The following SERPINB6 variants were observed in gnomAD, a reference collection of about 807,000 sequenced individuals.
The protein encoded by SERPINB6 is serpin B6.
Under a neutral mutation model 26.1 loss-of-function variants are expected in SERPINB6, and 16 were observed. The observed-to-expected ratio is 0.61, with a 90% confidence interval of 0.42 to 0.93. The LOEUF (loss-of-function observed/expected upper bound fraction) is 0.93. Among genes scored for constraint, SERPINB6 ranks in the 40% least tolerant of loss-of-function variants. The pLI is 0.00. For synonymous variants in SERPINB6, 174 were observed against 176.6 expected (o/e 0.99, Z 0.11); for missense variants, 420 against 478.0 (o/e 0.88, Z 1.13).
At chr6:2,961,622 C>A (rs1342794778) in intron 1 of SERPINB6, among the ~76,000 whole-genome samples, 1 of 152,192 alleles carries the variant, frequency 6.6e-6, no homozygotes, top group African/African-American at 2.4e-5. Context: ...CCTGTGAAGT[C>A]CGTGTCTCAG....
At chr6:2,966,360 A>G in intron 1 of SERPINB6, 1 of 986,776 alleles carries the variant, frequency 1.0e-6, no homozygotes, top group South Asian at 4.7e-5. Flanking sequence ...GCTGGTGGGA[A>G]TCTCTTTAAA....
chr6:2,954,589 C>T lies in SERPINB6; in HGVS notation c.430+3G>A, dbSNP rs201080069. 498 of 1,604,420 alleles carry T rather than the reference C, an allele frequency of 3.1e-4. 3 individuals carry two copies. In the Middle Eastern group the frequency reaches 6.6e-3, roughly 21 times the overall value. ...CAAAAGTAGAATAACAATACATTTT[C>T]ACCTTCTGTCTTTTCAGCTACCCAG... On this transcript the variant is annotated splice_donor_region_variant and intron_variant, in intron 4 of 6. Transcript: ENST00000380539.
At chr6:2,963,810 G>C (rs192398314) in intron 1 of SERPINB6, 1 of 152,220 alleles carries the variant, frequency 6.6e-6, no homozygotes, top group African/African-American at 2.4e-5. Flanking sequence ...TCAGAACGAC[G>C]ATCCTGACCT....
intron 1 of SERPINB6, among the ~76,000 whole-genome samples, chr6:2,965,303 CGTCT>C (rs1413080840): frequency 1.3e-5 from 2 of 152,184 alleles, no homozygotes; most frequent in African/African-American, 4.8e-5. Flanking sequence ...CCTCTCCCTC[CGTCT>C]GTCACCATGC....
intron 1 of SERPINB6, chr6:2,962,296 C>T (rs1269435115): frequency 1.2e-6 from 1 of 827,166 alleles, no homozygotes; most frequent in Non-Finnish European, 1.5e-6. Context: ...ACTGGAGAAA[C>T]CAAAGCAGGA....
chr6:2,959,560 T>C, intron 1 of SERPINB6: 1 of 575,826 alleles, frequency 1.7e-6, no homozygotes, highest in Non-Finnish European at 3.1e-6. Flanking sequence ...AACGCCGCCC[T>C]GTTTTGTGAG....
chr6:2,963,340 C>G (rs866655703), intron 1 of SERPINB6: 1 of 152,194 alleles, frequency 6.6e-6, no homozygotes, highest in South Asian at 2.1e-4. Context: ...GAGATAGCTG[C>G]TGAGAACACC....
At chr6:2,961,994 G>A (rs1440198940) in intron 1 of SERPINB6, 1 of 984,924 alleles carries the variant, frequency 1.0e-6, no homozygotes, top group Non-Finnish European at 1.2e-6. Flanking sequence ...CCAAGGTGCT[G>A]AGATTACAGC....
In SERPINB6 at chr6:2,971,549, A is replaced by T. The variant is rs987008908; in HGVS notation, c.-27T>A. 2 of 152,202 alleles carry T rather than the reference A, an allele frequency of 1.3e-5. No individual in the cohort carries two copies. The highest frequency in any genetic ancestry group is 4.8e-5 in the African/African-American group (2 of 41,438). 9.4% of individuals were successfully genotyped at this position (152,202 alleles called of 1,614,324 possible). On this transcript the variant is annotated 5_prime_UTR_variant, in exon 1 of 7. Transcript: ENST00000380539. ...GACACGTACTCCAGAGCGGGGAGCG[A>T]GCGAGCAGAACGGCGGGCAGAGGCG...
chr6:2,962,511 A>G (rs909485045), intron 1 of SERPINB6, among the ~76,000 whole-genome samples: 4 of 152,234 alleles, frequency 2.6e-5, no homozygotes, highest in Non-Finnish European at 2.9e-5. Context: ...GGAAAAGCAT[A>G]TACCAGATAA....
chr6:2,969,403 A>C (rs986572010), intron 1 of SERPINB6: 9 of 847,950 alleles, frequency 1.1e-5, no homozygotes, highest in Non-Finnish European at 1.1e-5. Flanking sequence ...ATGCAAAATT[A>C]ATTGTTTCAA....
intron 1 of SERPINB6, chr6:2,962,101 G>T: frequency 1.0e-6 from 1 of 985,364 alleles, no homozygotes; most frequent in Non-Finnish European, 1.2e-6. Flanking sequence ...GTAATATCCC[G>T]GAGAATCTGT....
At chr6:2,954,839 G>A (rs1279755296) in intron 3 of SERPINB6, 130 bp from the exon 4 acceptor site, 4 of 720,270 alleles carry the variant, frequency 5.6e-6, no homozygotes, top group Non-Finnish European at 9.9e-6. Context: ...AAATAAATAT[G>A]AGGACTTAAC....
At chr6:2,970,017 T>C (rs1771985599) in intron 1 of SERPINB6, 14 of 937,114 alleles carry the variant, frequency 1.5e-5, no homozygotes, top group Non-Finnish European at 1.8e-5. Context: ...GAGGTGGAGG[T>C]TGCAGTCAGC....
chr6:2,952,129 T>C (rs1161031053), intron 5 of SERPINB6, among the ~76,000 whole-genome samples: 3 of 152,258 alleles, frequency 2.0e-5, no homozygotes, highest in Admixed American at 6.5e-5. Flanking sequence ...AAAGCCCTTG[T>C]ACATCTTGTT....
At chr6:2,956,826 A>AG (rs1770552133) in intron 2 of SERPINB6, 1 of 152,698 alleles carries the variant, frequency 6.5e-6, no homozygotes, top group Non-Finnish European at 1.5e-5. Flanking sequence ...TGTCTCAAAA[A>AG]AAAAAAAAAA....
In SERPINB6 at chr6:2,948,655, C is replaced by A. The variant is rs1404747676; in HGVS notation, c.774G>T (p.Arg258Ser). ...LTYEKFVEWT[R>S]LDMMDEEEVE... ...CCTCCTCTTCATCCATCATGTCCAGCCTCGTCCATTCTACGAACTTCTCGT... is the reference window on the plus strand; with the variant it reads ...CCTCCTCTTCATCCATCATGTCCAGACTCGTCCATTCTACGAACTTCTCGT... The change falls in exon 7 of 7, where the codon AGG (arginine) becomes AGT (serine). Residue 258 changes from arginine (R) to serine (S), a missense_variant. Coordinates refer to ENST00000380539, the MANE Select transcript of SERPINB6 (RefSeq NM_004568.6). This position sits in a 1 kb window ranked among gnomAD's most constrained non-coding sequence, Gnocchi z 5.0. The A allele has an allele frequency of 6.2e-7, 1 of 1,614,186 alleles. No individual in the cohort carries two copies. Among genetic ancestry groups the A allele is most frequent in the Admixed American group, 1.7e-5 (1 of 60,030 alleles).
At chr6:2,951,403 A>T (rs1405820778) in intron 5 of SERPINB6, among the ~76,000 whole-genome samples, 1 of 143,252 alleles carries the variant, frequency 7.0e-6, no homozygotes, top group African/African-American at 2.7e-5. Flanking sequence ...AATAAAAAAT[A>T]AAAAAAAAAA....
Position 2,948,959 on chromosome 6 carries a change from C to G in SERPINB6, c.684G>C (p.Leu228=), listed in dbSNP as rs1445610578. The G allele has an allele frequency of 6.2e-7, 1 of 1,614,136 alleles. No individual in the cohort carries two copies. Among genetic ancestry groups the G allele is most frequent in the African/African-American group, 1.3e-5 (1 of 74,952 alleles). ...ILVLPYVGKE[L]NMIIMLPDET... ...CGTCCGGAAGCATGATGATCATATT[C>G]AGTTCCTTGCCAACATATGGAAGCA... Residue 228 remains leucine (L), a synonymous_variant, in exon 6 of 7, where the codon CTG becomes CTC. Coordinates refer to ENST00000380539, the MANE Select transcript of SERPINB6 (RefSeq NM_004568.6). The surrounding 1 kb of genome is among the most constrained non-coding windows in gnomAD (Gnocchi z 5.0).
Sources: gnomAD v4.1 joint callset for allele counts (sites outside exome capture counted in the v4.1 genomes callset) on GRCh38, gnomAD v4.1.1 for gene constraint, Gnocchi (gnomAD v3.1) non-coding constraint, MANE v1.5 for transcripts, NCBI Gene and HGNC (gene_info 2026-07-23, HGNC 2026-07-21) for gene names.